Variants in PRELID2 observed in about 807,000 individuals in gnomAD.
PRELID2 encodes PRELI domain-containing protein 2.
Under a neutral mutation model 28.4 loss-of-function variants are expected in PRELID2, and 25 were observed. That is an observed-to-expected ratio of 0.88 (90% CI 0.64 to 1.23). The LOEUF (loss-of-function observed/expected upper bound fraction) is 1.23. PRELID2 is among the 50% of genes most tolerant of loss of function. PRELID2 has a pLI of 0.00. For synonymous variants in PRELID2, 76 were observed against 71.6 expected, an observed-to-expected ratio of 1.06 and a Z score of -0.31; for missense variants, 201 against 214.4, an observed-to-expected ratio of 0.94 and a Z score of 0.39.
chr5:145,648,232 A>G (rs1436891814), intron 1 of PRELID2, among the ~76,000 whole-genome samples: 1 of 152,192 alleles, frequency 6.6e-6, no homozygotes, highest in East Asian at 1.9e-4. Flanking sequence ...ATGAACTAAC[A>G]CTGTGCATAT....
intron 5 of PRELID2, among the ~76,000 whole-genome samples, chr5:145,783,821 C>T (rs1172075820): frequency 8.5e-5 from 13 of 152,190 alleles, no homozygotes; most frequent in African/African-American, 2.7e-4. Context: ...TTCTTTTGAA[C>T]GACGGTTTTA....
the PRELID2 span, among the ~76,000 whole-genome samples, chr5:145,379,847 C>T: frequency 1.3e-5 from 2 of 152,068 alleles, no homozygotes; most frequent in Non-Finnish European, 1.5e-5. Flanking sequence ...GCCCCGAGAG[C>T]ACTCAAGACT....
intron 1 of PRELID2, among the ~76,000 whole-genome samples, chr5:145,566,821 G>C (rs1580979633): frequency 7.2e-6 from 1 of 137,952 alleles, no homozygotes; most frequent in African/African-American, 2.7e-5. Context: ...GCCTGGGTGA[G>C]AGAGTGAGAC....
chr5:145,603,572 C>G (rs957409193), intron 1 of PRELID2, among the ~76,000 whole-genome samples: 2 of 151,684 alleles, frequency 1.3e-5, no homozygotes, highest in Non-Finnish European at 2.9e-5. Flanking sequence ...AGGGTGATCT[C>G]GGGCAGAAGA....
intron 1 of PRELID2, among the ~76,000 whole-genome samples, chr5:145,550,626 C>A (rs948198149): frequency 4.6e-5 from 7 of 151,888 alleles, no homozygotes; most frequent in Non-Finnish European, 1.0e-4. Context: ...TAAAGAAGGA[C>A]CTTAAAATAT....
chr5:145,548,051 T>C (rs960008936), intron 1 of PRELID2, among the ~76,000 whole-genome samples: 2 of 152,180 alleles, frequency 1.3e-5, no homozygotes, highest in Admixed American at 1.3e-4. Context: ...TGTAAAGTCA[T>C]AACCAACTGA....
At chr5:145,602,788 A>C (rs1164804030) in intron 1 of PRELID2, among the ~76,000 whole-genome samples, 1 of 152,082 alleles carries the variant, frequency 6.6e-6, no homozygotes, top group Non-Finnish European at 1.5e-5. Flanking sequence ...ACATAAAAGA[A>C]AAAAATCAGA....
chr5:145,229,325 C>G, the PRELID2 span: 1 of 743,262 alleles, frequency 1.3e-6, no homozygotes, highest in South Asian at 1.3e-5. Flanking sequence ...ACACGGGATT[C>G]CCATCCTGGT....
At chr5:145,734,011 G>A (rs1394269673) in intron 1 of PRELID2, among the ~76,000 whole-genome samples, 5 of 152,166 alleles carry the variant, frequency 3.3e-5, no homozygotes, top group African/African-American at 1.2e-4. Context: ...AGGGGCCAGC[G>A]ACAAGCTAAG....
chr5:145,643,970 TTTTC>T (rs1360371620), intron 1 of PRELID2, among the ~76,000 whole-genome samples: 2 of 152,156 alleles, frequency 1.3e-5, no homozygotes, highest in Middle Eastern at 6.3e-3. Flanking sequence ...TGGCCTGAAA[TTTTC>T]TTTGTTTGTT....
chr5:145,330,285 C>T, the PRELID2 span, among the ~76,000 whole-genome samples: 1 of 152,160 alleles, frequency 6.6e-6, no homozygotes, highest in Non-Finnish European at 1.5e-5. Context: ...ATGTTTGCCT[C>T]ATAAAATGAG....
intron 1 of PRELID2, among the ~76,000 whole-genome samples, chr5:145,705,132 T>C (rs1333399906): frequency 1.3e-5 from 2 of 152,060 alleles, no homozygotes; most frequent in East Asian, 3.9e-4. Context: ...ATAACGATGC[T>C]TTACAAATGG....
chr5:145,518,135 TATA>T (rs56385008), intron 1 of PRELID2, among the ~76,000 whole-genome samples: 8,902 of 142,362 alleles, frequency 0.063, 344 homozygotes, highest in African/African-American at 0.11. Context: ...GAACTTGAAG[TATA>T]ATAATAATAA....
intron 1 of PRELID2, among the ~76,000 whole-genome samples, chr5:145,677,881 C>T (rs1370396133): frequency 6.6e-6 from 1 of 151,998 alleles, no homozygotes; most frequent in East Asian, 1.9e-4. Context: ...TGGGAGGCCG[C>T]GGTGGGTGGG....
chr5:145,739,456 G>A (rs562421218), intron 1 of PRELID2, among the ~76,000 whole-genome samples: 2 of 152,152 alleles, frequency 1.3e-5, no homozygotes, highest in South Asian at 4.1e-4. Flanking sequence ...AGTGAGCCGA[G>A]ATTGCACCAC....
chr5:145,485,616 C>T (rs1406284487), intron 1 of PRELID2, among the ~76,000 whole-genome samples: 2 of 152,172 alleles, frequency 1.3e-5, no homozygotes, highest in Non-Finnish European at 1.5e-5. Flanking sequence ...GGCACTTCTG[C>T]GTGCCTGTGC....
the PRELID2 span, among the ~76,000 whole-genome samples, chr5:145,293,672 T>C: frequency 6.6e-6 from 1 of 152,196 alleles, no homozygotes; most frequent in African/African-American, 2.4e-5. Context: ...TTTAATGTTA[T>C]TAATATGATA....
chr5:145,545,456 A>T (rs1030842847), intron 1 of PRELID2, among the ~76,000 whole-genome samples: 24 of 151,710 alleles, frequency 1.6e-4, no homozygotes, highest in Admixed American at 2.0e-4. Flanking sequence ...AAGGCAAAAA[A>T]AAAAACCCTA....
chr5:145,429,488 T>C, the PRELID2 span, among the ~76,000 whole-genome samples: 1 of 152,046 alleles, frequency 6.6e-6, no homozygotes, highest in Non-Finnish European at 1.5e-5. Context: ...ATTACAGAGT[T>C]AGTGAGATAT....
Sources: allele counts gnomAD v4.1 joint callset (sites outside exome capture counted in the v4.1 genomes callset), GRCh38; gene constraint gnomAD v4.1.1; transcripts MANE v1.5; gene names NCBI Gene and HGNC (gene_info 2026-07-23, HGNC 2026-07-21).